WWOX: variants seen among roughly 807,000 people sequenced by gnomAD.
WWOX encodes the protein WW domain containing oxidoreductase, also known as WW domain-containing oxidoreductase.
A neutral mutation model predicts 46.2 loss-of-function variants in WWOX; 69 were observed. That is an observed-to-expected ratio of 1.49 (90% CI 1.23 to 1.82). The LOEUF is 1.82. WWOX is among the 40% of genes most tolerant of loss of function. The pLI is 0.00. For synonymous variants in WWOX, 359 were observed against 202.6 expected, an observed-to-expected ratio of 1.77 and a Z score of -6.56; for missense variants, 919 against 542.6, an observed-to-expected ratio of 1.69 and a Z score of -6.89.
chr16:78,936,179 T>A (rs1447508587), intron 8 of WWOX, among the ~76,000 whole-genome samples: 4 of 152,024 alleles, frequency 2.6e-5, no homozygotes, highest in South Asian at 2.1e-4. Context: ...GAAGGCAAGA[T>A]GAGAAGATGC....
intron 8 of WWOX, among the ~76,000 whole-genome samples, chr16:78,658,413 G>A (rs2047129924): frequency 1.3e-5 from 2 of 152,170 alleles, no homozygotes; most frequent in South Asian, 2.1e-4. Context: ...CTGTAATGTA[G>A]TGTAGTTTCC....
At chr16:78,743,998 C>G (rs1283721918) in intron 8 of WWOX, among the ~76,000 whole-genome samples, 1 of 152,132 alleles carries the variant, frequency 6.6e-6, no homozygotes, top group African/African-American at 2.4e-5. Flanking sequence ...TCTTTCCTTG[C>G]TTTGTTTATG....
chr16:78,966,816 C>G (rs895299416), intron 8 of WWOX, among the ~76,000 whole-genome samples: 2 of 152,246 alleles, frequency 1.3e-5, no homozygotes, highest in Admixed American at 1.3e-4. Flanking sequence ...GGCAGAATTA[C>G]CTACTGCTTT....
chr16:78,985,979 A>G (rs1002927362), intron 8 of WWOX, among the ~76,000 whole-genome samples: 1 of 152,222 alleles, frequency 6.6e-6, no homozygotes, highest in Non-Finnish European at 1.5e-5. Context: ...CTCAGAGCCA[A>G]CAATGCACTG....
intron 8 of WWOX, among the ~76,000 whole-genome samples, chr16:78,582,188 C>T (rs960949023): frequency 4.6e-5 from 7 of 152,148 alleles, no homozygotes; most frequent in South Asian, 2.1e-4. Context: ...ATTGGATTTA[C>T]GGCCAGAAGA....
intron 8 of WWOX, among the ~76,000 whole-genome samples, chr16:78,832,672 C>T (rs925740050): frequency 2.6e-5 from 4 of 152,084 alleles, no homozygotes; most frequent in Non-Finnish European, 2.9e-5. Context: ...GAATCCATGT[C>T]CTGTGGTGGC....
At chr16:78,373,580 C>A (rs558999618) in intron 5 of WWOX, among the ~76,000 whole-genome samples, 2 of 151,844 alleles carry the variant, frequency 1.3e-5, no homozygotes, top group Non-Finnish European at 1.5e-5. Flanking sequence ...GAGAAGTATT[C>A]TGAGGGACAG....
At chr16:78,847,701 G>A (rs903421538) in intron 8 of WWOX, among the ~76,000 whole-genome samples, 6 of 151,420 alleles carry the variant, frequency 4.0e-5, no homozygotes, top group African/African-American at 1.2e-4. Context: ...TCTTCTATAA[G>A]ATGGAAATAA....
In WWOX at chr16:79,106,582, A is replaced by ATTTTTTTTTTTTTTTTTTTTTTTTT. The variant is rs752318131; in HGVS notation, c.1057-105017_1057-104993dup. ...CCTAAAATGACTCTTTCTTAAAATA[A>ATTTTTTTTTTTTTTTTTTTTTTTTT]TTTTTTTTTTTTTTTTTTTTTTTTT... On this transcript the variant is annotated intron_variant, in intron 8 of 8. Coordinates refer to ENST00000566780, the MANE Select transcript of WWOX (RefSeq NM_016373.4). 10 of 79,524 alleles carry ATTTTTTTTTTTTTTTTTTTTTTTTT rather than the reference A, an allele frequency of 1.3e-4. 1 individual carries two copies. The highest frequency in any genetic ancestry group is 5.3e-4 in the African/African-American group (10 of 18,842). The allele number at this position is 79,524 out of a possible 1,614,324, so 4.9% of individuals were successfully genotyped here. A position where few individuals can be genotyped will look rare whatever the true frequency, so the allele number is the denominator to read the frequency against.
chr16:78,433,876 G>T (rs112044314), intron 8 of WWOX, among the ~76,000 whole-genome samples: 5,568 of 132,452 alleles, frequency 0.042, 215 homozygotes, highest in African/African-American at 0.12. Flanking sequence ...TGCAAGCTCC[G>T]CCTCCCGGGT....
At chr16:78,509,452 T>A (rs565683383) in intron 8 of WWOX, among the ~76,000 whole-genome samples, 1,682 of 143,822 alleles carry the variant, frequency 0.012, 32 homozygotes, top group African/African-American at 0.04. Flanking sequence ...AAAAAAAAAA[T>A]AATATAATAA....
intron 6 of WWOX, among the ~76,000 whole-genome samples, chr16:78,391,477 G>A (rs1439867692): frequency 2.6e-5 from 4 of 152,154 alleles, no homozygotes; most frequent in African/African-American, 7.2e-5. Context: ...AATCCAAAAC[G>A]ACTTTTTGTT....
intron 8 of WWOX, chr16:78,553,427 T>C (rs2044219423): frequency 6.6e-6 from 1 of 152,180 alleles, no homozygotes; most frequent in Admixed American, 6.6e-5. Flanking sequence ...CCCATGGCTA[T>C]GGGGTGATTA....
At chr16:78,930,450 T>G (rs1016371784) in intron 8 of WWOX, among the ~76,000 whole-genome samples, 78 of 88,964 alleles carry the variant, frequency 8.8e-4, no homozygotes, top group African/African-American at 2.5e-3. Flanking sequence ...GCTAGCTAAT[T>G]TTTTTTTTTT....
At chr16:78,397,815 G>A (rs1300460408) in intron 6 of WWOX, among the ~76,000 whole-genome samples, 4 of 152,166 alleles carry the variant, frequency 2.6e-5, no homozygotes, top group Middle Eastern at 3.2e-3. Flanking sequence ...GTGAGCCACC[G>A]CTCCTGGCCT....
chr16:79,160,256 C>T (rs2050459482), intron 8 of WWOX, among the ~76,000 whole-genome samples: 1 of 152,070 alleles, frequency 6.6e-6, no homozygotes, highest in African/African-American at 2.4e-5. Flanking sequence ...ATCCCTGGTC[C>T]ACAGAGCCAC....
At chr16:78,677,974 C>G (rs1217073606) in intron 8 of WWOX, among the ~76,000 whole-genome samples, 1 of 152,204 alleles carries the variant, frequency 6.6e-6, no homozygotes, top group African/African-American at 2.4e-5. Context: ...TCCTTAGCCA[C>G]TGTTTAAAAT....
intron 5 of WWOX, among the ~76,000 whole-genome samples, chr16:78,190,150 A>T (rs2035839406): frequency 6.6e-6 from 1 of 152,160 alleles, no homozygotes; most frequent in Admixed American, 6.5e-5. Context: ...ATCCTTGCTG[A>T]AATGGTTGGT....
chr16:78,616,104 G>A (rs113183861), intron 8 of WWOX, among the ~76,000 whole-genome samples: 1 of 151,994 alleles, frequency 6.6e-6, no homozygotes, highest in Admixed American at 6.6e-5. Context: ...TTCCTACGTA[G>A]AATTCCCTAC....
Sources: allele counts gnomAD v4.1 joint callset (sites outside exome capture counted in the v4.1 genomes callset), GRCh38; gene constraint gnomAD v4.1.1; transcripts MANE v1.5; gene names NCBI Gene and HGNC (gene_info 2026-07-23, HGNC 2026-07-21).